Variants in CYP2E1 observed in about 807,000 individuals in gnomAD.
CYP2E1 encodes the protein cytochrome P450 2E1.
CYP2E1 carries 31 observed loss-of-function variants against 42.9 expected under a neutral mutation model. That is an observed-to-expected ratio of 0.72 (90% CI 0.54 to 0.98). The LOEUF (loss-of-function observed/expected upper bound fraction) is 0.98, where lower values mean the gene tolerates loss of function less well. Among genes scored for constraint, CYP2E1 ranks in the 50% least tolerant of loss-of-function variants. The pLI is 0.00. For synonymous variants in CYP2E1, 244 were observed against 248.9 expected (o/e 0.98, Z 0.19); for missense variants, 565 against 633.2 (o/e 0.89, Z 1.16).
At chr10:133,533,308 C>G (rs555276270) in intron 5 of CYP2E1, among the ~76,000 whole-genome samples, 5 of 152,228 alleles carry the variant, frequency 3.3e-5, no homozygotes, top group African/African-American at 4.8e-5. Context: ...CTTCTTGTAT[C>G]CTTGTCTTGT....
Position 133,532,684 on chromosome 10 carries a change from C to T in CYP2E1, c.649-8C>T, listed in dbSNP as rs746898292. Reference sequence around the variant, plus strand: ...AAAAAGTAGTAAAATATTTTTTTCCCTCTCTAGCTTTACAATAATTTTCCC... The same window carrying T: ...AAAAAGTAGTAAAATATTTTTTTCCTTCTCTAGCTTTACAATAATTTTCCC... On this transcript the variant is annotated splice_polypyrimidine_tract_variant and splice_region_variant and intron_variant, in intron 4 of 8. Transcript: ENST00000252945. 121 of 1,575,688 alleles carry T rather than the reference C, an allele frequency of 7.7e-5. 1 individual carries two copies. Among genetic ancestry groups the T allele is most frequent in the Middle Eastern group, 1.7e-4 (1 of 5,878 alleles).
chr10:133,531,599 A>G lies in CYP2E1; in HGVS notation c.352A>G (p.Asn118Asp). The G allele has an allele frequency of 6.2e-7, 1 of 1,614,066 alleles. No individual in the cohort carries two copies. Among genetic ancestry groups the G allele is most frequent in the Non-Finnish European group, 8.5e-7 (1 of 1,180,004 alleles). Reference protein sequence around the residue: ...AHRDRGIIFNNGPTWKDIRRF... With the variant: ...AHRDRGIIFNDGPTWKDIRRF... ...CTCTGCCTTAGGAATCATTTTTAAT[A>G]ATGGACCTACCTGGAAGGACATCCG... The change falls in exon 3 of 9, where the codon AAT (asparagine) becomes GAT (aspartate). Residue 118 changes from asparagine to aspartate, a missense_variant. Coordinates refer to ENST00000252945, the MANE Select transcript of CYP2E1 (RefSeq NM_000773.4).
intron 1 of CYP2E1, 40 bp downstream of exon 1, chr10:133,527,612 C>A: frequency 6.6e-7 from 1 of 1,513,374 alleles, no homozygotes; most frequent in Non-Finnish European, 9.1e-7. Flanking sequence ...AATAACTCAG[C>A]AATTGGATCT....
At chr10:133,534,043 G>A (rs1202190028) in intron 6 of CYP2E1, 146 bp downstream of exon 6, 1 of 891,146 alleles carries the variant, frequency 1.1e-6, no homozygotes, top group Admixed American at 2.3e-5. Context: ...GCACTGCTGT[G>A]AGGGGAGGTG....
At chr10:133,536,986 A>ATGGGTGGAT (rs2133600075) in intron 6 of CYP2E1, 77 bp from the exon 7 acceptor site, 1 of 1,046,422 alleles carries the variant, frequency 9.6e-7, no homozygotes, top group Non-Finnish European at 1.5e-6. Context: ...GTGATTGAAT[A>ATGGGTGGAT]GATGGGTGGA....
rs190378800 is a variant in CYP2E1 at position 133,536,135 on chromosome 10, G to A, written c.968-928G>A. 5.4e-3 allele frequency among the ~76,000 whole-genome samples: 821 copies of A among 152,226 alleles called. 1 individual carries two copies. Among genetic ancestry groups the A allele is most frequent in the African/African-American group, 0.019 (782 of 41,516 alleles). On this transcript the variant is annotated intron_variant, in intron 6 of 8. Coordinates refer to ENST00000252945, the MANE Select transcript of CYP2E1 (RefSeq NM_000773.4). ...AAACAAGCCTGGGGTAATTATCAAT[G>A]CAAAGGTTACCCTCCCAGAAGAAAT...
rs937434857 is a variant in CYP2E1 at position 133,533,935 on chromosome 10, G to A, written c.967+38G>A. ...CTGAAGGGACACCGTGCGTGCGGCT[G>A]CATCTCCCTGGATGGCCAGCCTTGC... is the stretch of plus-strand genomic sequence containing the variant. On this transcript the variant is annotated intron_variant, in intron 6 of 8. Coordinates refer to ENST00000252945, the MANE Select transcript of CYP2E1 (RefSeq NM_000773.4). 8.7e-6 allele frequency: 14 copies of A among 1,610,038 alleles called. No homozygotes were observed. The Admixed American group carries it at 1.3e-4, about 15-fold the overall frequency.
intron 2 of CYP2E1, among the ~76,000 whole-genome samples, chr10:133,529,603 A>C (rs1227265867): frequency 6.6e-6 from 1 of 152,258 alleles, no homozygotes. Context: ...ATTTCTGAAC[A>C]TTGTGAACGT....
chr10:133,533,016 A>G, intron 5 of CYP2E1, 148 bp downstream of exon 5: 1 of 789,734 alleles, frequency 1.3e-6, no homozygotes, highest in Non-Finnish European at 1.9e-6. Context: ...TGGCTTCAGC[A>G]TGACCACTGG....
Position 133,532,814 on chromosome 10 carries a change from G to A in CYP2E1, c.771G>A (p.Leu257=). Reference sequence around the variant, plus strand: ...GGGTGAAGGAGCACCATCAATCTCTGGACCCCAACTGTCCCCGGGACCTCA... The same window carrying A: ...GGGTGAAGGAGCACCATCAATCTCTAGACCCCAACTGTCCCCGGGACCTCA... ...SERVKEHHQS[L]DPNCPRDLTD... is the part of the protein sequence containing the mutation. The change falls in exon 5 of 9, where the codon CTG becomes CTA. Residue 257 remains leucine (L), a synonymous_variant. Coordinates refer to ENST00000252945, the MANE Select transcript of CYP2E1 (RefSeq NM_000773.4). The A allele has an allele frequency of 6.2e-7, 1 of 1,613,204 alleles. No individual in the cohort carries two copies. Among genetic ancestry groups the A allele is most frequent in the Non-Finnish European group, 8.5e-7 (1 of 1,179,798 alleles).
In CYP2E1 at chr10:133,538,957, G is replaced by A. The variant is rs147916524; in HGVS notation, c.1475G>A (p.Arg492His). The A allele has an allele frequency of 5.8e-5, 94 of 1,609,304 alleles. No individual in the cohort carries two copies. Among genetic ancestry groups the A allele is most frequent in the Middle Eastern group, 3.3e-4 (2 of 6,074 alleles). The change falls in exon 9 of 9, where the codon CGC (arginine) becomes CAC (histidine). Residue 492 changes from arginine (R) to histidine (H), a missense_variant. Coordinates refer to ENST00000252945, the MANE Select transcript of CYP2E1 (RefSeq NM_000773.4). ...PPRYKLCVIPRS is the reference protein window; with the variant it reads ...PPRYKLCVIPHS ...CGTTACAAACTCTGTGTCATTCCCC[G>A]CTCATGAGTGTGTGGAGGACACCCT...
intron 2 of CYP2E1, among the ~76,000 whole-genome samples, chr10:133,529,081 G>T (rs1851307851): frequency 6.6e-6 from 1 of 152,238 alleles, no homozygotes; most frequent in African/African-American, 2.4e-5. Context: ...CTCAGCTGCA[G>T]CTGGTGACCT....
At chr10:133,535,248 C>T (rs574053111) in intron 6 of CYP2E1, among the ~76,000 whole-genome samples, 1 of 152,052 alleles carries the variant, frequency 6.6e-6, no homozygotes. Context: ...GCAGGAGAAT[C>T]GCTTCAACCT....
At chr10:133,531,936 A>G in intron 3 of CYP2E1, 188 bp from the exon 4 acceptor site, 1 of 739,946 alleles carries the variant, frequency 1.4e-6, no homozygotes, top group Non-Finnish European at 2.2e-6. Flanking sequence ...TAAACACGTG[A>G]CTTGTATCCT....
chr10:133,528,148 C>A (rs564766661), intron 1 of CYP2E1: 5 of 276,458 alleles, frequency 1.8e-5, no homozygotes, highest in African/African-American at 8.9e-5. Context: ...GGGTCCAGAA[C>A]CTTGATTCCG....
Position 133,531,574 on chromosome 10 carries a change from C to T in CYP2E1, c.338-11C>T, listed in dbSNP as rs760099401. ...ATTTAGAATAACCTTCTGCTGGCCC[C>T]TCTGCCTTAGGAATCATTTTTAATA... On this transcript the variant is annotated splice_polypyrimidine_tract_variant and intron_variant, in intron 2 of 8. Coordinates refer to ENST00000252945, the MANE Select transcript of CYP2E1 (RefSeq NM_000773.4). The T allele has an allele frequency of 6.8e-6, 11 of 1,613,904 alleles. No individual in the cohort carries two copies. The highest frequency in any genetic ancestry group is 1.3e-5 in the African/African-American group (1 of 74,886).
intron 1 of CYP2E1, chr10:133,528,157 C>T (rs955100881): frequency 1.4e-5 from 4 of 282,466 alleles, no homozygotes; most frequent in African/African-American, 4.4e-5. Flanking sequence ...ACCTTGATTC[C>T]GGAAGCGGGC....
chr10:133,530,309 G>T (rs904597824), intron 2 of CYP2E1, among the ~76,000 whole-genome samples: 4 of 152,150 alleles, frequency 2.6e-5, no homozygotes, highest in African/African-American at 9.7e-5. Context: ...GAGAAAGTTT[G>T]GTTCCCAACC....
intron 4 of CYP2E1, 126 bp downstream of exon 4, chr10:133,532,410 T>C: frequency 1.1e-6 from 1 of 943,420 alleles, no homozygotes. Flanking sequence ...CGAGGGGTGT[T>C]TGATTAGACA....
Sources: allele counts gnomAD v4.1 joint callset (sites outside exome capture counted in the v4.1 genomes callset), GRCh38; gene constraint gnomAD v4.1.1; transcripts MANE v1.5; gene names NCBI Gene and HGNC (gene_info 2026-07-23, HGNC 2026-07-21).